The following WDR1 variants were observed in gnomAD, a reference collection of about 807,000 sequenced individuals.
WDR1 encodes WD repeat domain 1, also known as WD repeat-containing protein 1.
In WDR1, 21 loss-of-function variants were observed where a neutral mutation model predicts 71.9. The ratio of observed to expected loss-of-function variants is 0.29; its 90% CI spans 0.21 to 0.42. The LOEUF is 0.42. Among genes scored for constraint, WDR1 ranks in the 10% least tolerant of loss-of-function variants. The probability of loss-of-function intolerance (pLI) is 1.00; values close to 1 mark genes in which losing one functional copy is unlikely to be tolerated. For synonymous variants in WDR1, 424 were observed against 347.4 expected (o/e 1.22, Z -2.45); for missense variants, 696 against 824.5 (o/e 0.84, Z 1.91).
intron 10 of WDR1, among the ~76,000 whole-genome samples, chr4:10,081,764 C>T (rs1372847499): frequency 6.6e-6 from 1 of 152,010 alleles, no homozygotes; most frequent in African/African-American, 2.4e-5. Context: ...GCTTTTGTCC[C>T]CCTGTCTGTT....
In WDR1 at chr4:10,095,183, G is replaced by A. The variant is rs1014483722; in HGVS notation, c.558+2528C>T. Among the ~76,000 whole-genome samples, 5 of 152,378 alleles carry A rather than the reference G, an allele frequency of 3.3e-5. No homozygotes were observed. In the South Asian group the frequency reaches 6.2e-4, roughly 19 times the overall value. On this transcript the variant is annotated intron_variant, in intron 5 of 14. Coordinates refer to ENST00000499869, the MANE Select transcript of WDR1 (RefSeq NM_017491.5). Reference sequence around the variant, plus strand: ...CAGGCAAGGCCACCAAGGCCTGAGCGCTGGTGCGGAGGCAAAGGCAGCCCA... The same window carrying A: ...CAGGCAAGGCCACCAAGGCCTGAGCACTGGTGCGGAGGCAAAGGCAGCCCA...
chr4:10,084,420 C>G, intron 9 of WDR1, 23 bp downstream of exon 9: 1 of 1,609,960 alleles, frequency 6.2e-7, no homozygotes, highest in Non-Finnish European at 8.5e-7. Context: ...GCTCCGGAGC[C>G]AGCTCTTTGA....
At chr4:10,114,787 T>C (rs1337960541) in intron 2 of WDR1, among the ~76,000 whole-genome samples, 1 of 152,200 alleles carries the variant, frequency 6.6e-6, no homozygotes, top group Non-Finnish European at 1.5e-5. Flanking sequence ...GACTAGCAAG[T>C]TGTTAGCACC....
Position 10,075,255 on chromosome 4 carries a change from T to A in WDR1, c.*123A>T. On this transcript the variant is annotated 3_prime_UTR_variant, in exon 15 of 15. Transcript: ENST00000499869. ...AGAGACGAGGGTCATGACTGGGCCC[T>A]CCTGCCTCTTGTGGTGGGGTGGGGG... 1.3e-6 allele frequency: 1 copy of A among 794,224 alleles called. No homozygotes were observed. The highest frequency in any genetic ancestry group is 2.1e-6 in the Non-Finnish European group (1 of 477,596). The allele number at this position is 794,224 out of a possible 1,614,324, so 49.2% of individuals were successfully genotyped here.
At chr4:10,081,132 G>A (rs1440942309) in intron 11 of WDR1, among the ~76,000 whole-genome samples, 1 of 152,178 alleles carries the variant, frequency 6.6e-6, no homozygotes, top group African/African-American at 2.4e-5. Flanking sequence ...GACCAGCTGC[G>A]GCCTTGGACA....
intron 12 of WDR1, chr4:10,078,502 G>T: frequency 5.1e-6 from 1 of 195,262 alleles, no homozygotes; most frequent in Admixed American, 6.1e-5. Flanking sequence ...TTCAACCTGT[G>T]AGCCGAGCCC....
intron 2 of WDR1, among the ~76,000 whole-genome samples, chr4:10,107,230 G>C (rs1713076360): frequency 6.6e-6 from 1 of 152,156 alleles, no homozygotes; most frequent in South Asian, 2.1e-4. Context: ...TGCTGCTGCA[G>C]GCTGGGCCAG....
At chr4:10,106,118 G>A (rs757399689) in intron 2 of WDR1, among the ~76,000 whole-genome samples, 1 of 152,008 alleles carries the variant, frequency 6.6e-6, no homozygotes, top group African/African-American at 2.4e-5. Flanking sequence ...AGGGGTGGCG[G>A]GGGCGGGGGG....
At chr4:10,099,979 A>G (rs2109681264) in intron 3 of WDR1, among the ~76,000 whole-genome samples, 1 of 152,300 alleles carries the variant, frequency 6.6e-6, no homozygotes, top group South Asian at 2.1e-4. Context: ...ACCAAGTACC[A>G]AGTCCCAATC....
intron 2 of WDR1, among the ~76,000 whole-genome samples, chr4:10,114,261 C>T (rs1489550173): frequency 2.6e-5 from 4 of 152,130 alleles, no homozygotes; most frequent in Admixed American, 6.5e-5. Context: ...TGGCAAACCA[C>T]GGGGAAGGGG....
chr4:10,078,993 C>T lies in WDR1; in HGVS notation c.1293G>A (p.Leu431=). ...TGAAGCACTTCCTCTGATCCTTCAG[C>T]AGGACAATCTGTGGCACACACAGGC... ...AVVVCIGQIV[L]LKDQRKCFSI... is the part of the protein sequence containing the mutation. The change falls in exon 12 of 15, where the codon CTG becomes CTA. Residue 431 remains leucine, a synonymous_variant. Transcript: ENST00000499869. 6.2e-7 allele frequency: 1 copy of T among 1,604,946 alleles called. No homozygotes were observed. Among genetic ancestry groups the T allele is most frequent in the Non-Finnish European group, 8.5e-7 (1 of 1,174,786 alleles).
chr4:10,110,463 C>A (rs1395027734), intron 2 of WDR1, among the ~76,000 whole-genome samples: 1 of 152,214 alleles, frequency 6.6e-6, no homozygotes, highest in Admixed American at 6.5e-5. Context: ...AAGAAATGTA[C>A]CAAAAGCAAC....
rs538006765 is a variant in WDR1, at chr4:10,087,592, G to C, written c.951+115C>G. 4.0e-5 allele frequency: 41 copies of C among 1,031,066 alleles called. No homozygotes were observed. The African/African-American group carries it at 5.8e-4, about 15-fold the overall frequency. 63.9% of individuals were successfully genotyped at this position (1,031,066 alleles called of 1,614,324 possible). A position where few individuals can be genotyped will look rare whatever the true frequency, so the allele number is the denominator to read the frequency against. ...AAAACCCCAAGGGCCAAGGAGGCCT[G>C]AGGACACCTCTCTAGCTTCCACCTG... On this transcript the variant is annotated intron_variant, in intron 8 of 14. Coordinates refer to ENST00000499869, the MANE Select transcript of WDR1 (RefSeq NM_017491.5).
chr4:10,096,295 T>C (rs946171977), intron 5 of WDR1: 4 of 152,220 alleles, frequency 2.6e-5, no homozygotes, highest in African/African-American at 4.8e-5. Flanking sequence ...TGGGCTGAGA[T>C]GGGGTGTGCA....
intron 9 of WDR1, among the ~76,000 whole-genome samples, 182 bp downstream of exon 9, chr4:10,084,261 G>C (rs538816030): frequency 6.6e-6 from 1 of 152,104 alleles, no homozygotes; most frequent in African/African-American, 2.4e-5. Context: ...ACAACTCCAG[G>C]GGACAGTTGC....
At chr4:10,114,863 GCT>G (rs1713613635) in intron 2 of WDR1, among the ~76,000 whole-genome samples, 1 of 152,222 alleles carries the variant, frequency 6.6e-6, no homozygotes, top group Non-Finnish European at 1.5e-5. Flanking sequence ...GGCAGGTAGA[GCT>G]CTGTCTTCCA....
intron 2 of WDR1, among the ~76,000 whole-genome samples, chr4:10,109,277 G>A (rs1713206359): frequency 6.6e-6 from 1 of 152,250 alleles, no homozygotes; most frequent in South Asian, 2.1e-4. Context: ...TGGGTTATGA[G>A]CATATAACTA....
In WDR1 at chr4:10,115,240, A is replaced by T. The variant is rs897748698; in HGVS notation, c.138+873T>A. Among the ~76,000 whole-genome samples the T allele has an allele frequency of 1.1e-4, 17 of 152,342 alleles. No individual in the cohort carries two copies. In the East Asian group the frequency reaches 1.9e-3, roughly 17 times the overall value. On this transcript the variant is annotated intron_variant, in intron 2 of 14. Transcript: ENST00000499869. The stretch of plus-strand genomic sequence containing the variant: ...CCATCACTCAGGCTGAGGAAGGGAA[A>T]AGCAAAATTTAAGCGTGTAACCCAG...
chr4:10,115,820 C>G, intron 2 of WDR1: 1 of 361,280 alleles, frequency 2.8e-6, no homozygotes, highest in Non-Finnish European at 5.2e-6. Context: ...CTAACCAGGC[C>G]TGACCGTGCT....
Sources: gnomAD v4.1 joint callset for allele counts (sites outside exome capture counted in the v4.1 genomes callset) on GRCh38, gnomAD v4.1.1 for gene constraint, MANE v1.5 for transcripts, NCBI Gene and HGNC (gene_info 2026-07-23, HGNC 2026-07-21) for gene names.